The following MARCHF1 variants were observed in gnomAD, a reference collection of about 807,000 sequenced individuals.
MARCHF1 encodes E3 ubiquitin-protein ligase MARCHF1.
MARCHF1 carries 40 observed loss-of-function variants against 54.2 expected under a neutral mutation model. The observed-to-expected ratio is 0.74, with a 90% CI of 0.57 to 0.96. MARCHF1 has a LOEUF of 0.96. Among genes scored for constraint, MARCHF1 ranks in the 40% least tolerant of loss-of-function variants. The pLI, the probability that MARCHF1 is intolerant of heterozygous loss-of-function variation, is 0.00. For synonymous variants in MARCHF1, 236 were observed against 236.3 expected, an observed-to-expected ratio of 1.00 and a Z score of 0.01; for missense variants, 586 against 656.5, an observed-to-expected ratio of 0.89 and a Z score of 1.17.
intron 5 of MARCHF1, among the ~76,000 whole-genome samples, chr4:163,621,665 G>A (rs1214969882): frequency 6.6e-6 from 1 of 152,114 alleles, no homozygotes; most frequent in African/African-American, 2.4e-5. Flanking sequence ...CAGAAGGTAC[G>A]ACTGAAGAAA....
chr4:163,888,565 T>G (rs1053912032), intron 3 of MARCHF1, among the ~76,000 whole-genome samples: 5 of 152,192 alleles, frequency 3.3e-5, no homozygotes, highest in African/African-American at 9.7e-5. Flanking sequence ...TTATTTGCAT[T>G]TTGAGTATTC....
intron 3 of MARCHF1, among the ~76,000 whole-genome samples, chr4:163,978,035 G>T (rs1752683082): frequency 6.6e-6 from 1 of 152,050 alleles, no homozygotes; most frequent in African/African-American, 2.4e-5. Context: ...TAGCATAAAG[G>T]TTAGCATGTA....
chr4:164,291,994 C>T (rs979138157), intron 1 of MARCHF1, among the ~76,000 whole-genome samples: 1 of 152,014 alleles, frequency 6.6e-6, no homozygotes, highest in South Asian at 2.1e-4. Flanking sequence ...GCTAAAGTCA[C>T]AATTAATTAA....
intron 2 of MARCHF1, among the ~76,000 whole-genome samples, chr4:164,104,949 C>T (rs1579538116): frequency 1.6e-5 from 1 of 61,982 alleles, no homozygotes; most frequent in Non-Finnish European, 5.1e-5. Flanking sequence ...ACAAAAATCA[C>T]AAGCATTCTT....
At chr4:164,192,185 A>T (rs1239246076) in intron 1 of MARCHF1, among the ~76,000 whole-genome samples, 1 of 152,228 alleles carries the variant, frequency 6.6e-6, no homozygotes, top group African/African-American at 2.4e-5. Flanking sequence ...TAAATAGCTA[A>T]GTATACGATT....
At chr4:163,795,992 T>C (rs1324191443) in intron 4 of MARCHF1, among the ~76,000 whole-genome samples, 1 of 152,152 alleles carries the variant, frequency 6.6e-6, no homozygotes, top group Non-Finnish European at 1.5e-5. Flanking sequence ...TACTATTCAT[T>C]AAATGGAAGT....
chr4:163,832,900 T>A (rs36154115), intron 4 of MARCHF1, among the ~76,000 whole-genome samples: 1 of 151,460 alleles, frequency 6.6e-6, no homozygotes, highest in Non-Finnish European at 1.5e-5. Flanking sequence ...TTCATCCATG[T>A]CCCTACAAAG....
At chr4:163,532,809 CATT>C (rs1381877872) in intron 9 of MARCHF1, among the ~76,000 whole-genome samples, 2 of 151,832 alleles carry the variant, frequency 1.3e-5, no homozygotes. Context: ...AACAAGATAT[CATT>C]ATATACCTAT....
chr4:163,556,569 C>T (rs1021342509), intron 8 of MARCHF1, among the ~76,000 whole-genome samples: 20 of 150,134 alleles, frequency 1.3e-4, no homozygotes, highest in East Asian at 3.9e-4. Flanking sequence ...TTTTTACTCT[C>T]GAGAGTCTCT....
chr4:163,898,443 C>A (rs1750864230), intron 3 of MARCHF1, among the ~76,000 whole-genome samples: 1 of 152,092 alleles, frequency 6.6e-6, no homozygotes, highest in Non-Finnish European at 1.5e-5. Context: ...TGCTCAACAT[C>A]AATATACATC....
At chr4:163,978,248 T>A (rs1191783602) in intron 3 of MARCHF1, among the ~76,000 whole-genome samples, 1 of 152,138 alleles carries the variant, frequency 6.6e-6, no homozygotes, top group Non-Finnish European at 1.5e-5. Flanking sequence ...TTATCATCAT[T>A]ACTATAAATG....
rs537036738 is a variant in MARCHF1, at chr4:164,240,050, G to A, written c.-322-128388C>T. The stretch of plus-strand genomic sequence containing the variant: ...TCATTACACATTTTCTAGGTGCTAA[G>A]CATTGACATAAACTGGACAAATGAA... On this transcript the variant is annotated intron_variant, in intron 1 of 9. Coordinates refer to ENST00000514618, the MANE Select transcript of MARCHF1 (RefSeq NM_001394959.1). 5.1e-4 allele frequency among the ~76,000 whole-genome samples: 77 copies of A among 152,270 alleles called. No individual in the cohort carries two copies. The Middle Eastern group carries it at 0.014, about 27-fold the overall frequency.
Position 164,025,779 on chromosome 4 carries a change from C to T in MARCHF1, c.-247-37070G>A, listed in dbSNP as rs574715734. On this transcript the variant is annotated intron_variant, in intron 2 of 9. Coordinates refer to ENST00000514618, the MANE Select transcript of MARCHF1 (RefSeq NM_001394959.1). ...GGCAAAAATCCATGCAAAAGATCAA[C>T]GAAACCAAGAGTTTTTTCTCAAAAG... Among the ~76,000 whole-genome samples, 12 of 149,428 alleles carry T rather than the reference C, an allele frequency of 8.0e-5. No individual in the cohort carries two copies. In the South Asian group the frequency reaches 8.4e-4, roughly 10 times the overall value.
intron 3 of MARCHF1, among the ~76,000 whole-genome samples, chr4:163,946,057 G>A (rs1337204168): frequency 6.6e-6 from 1 of 151,532 alleles, no homozygotes; most frequent in Non-Finnish European, 1.5e-5. Flanking sequence ...ATCATTTATA[G>A]TAAAACATTA....
intron 4 of MARCHF1, among the ~76,000 whole-genome samples, chr4:163,823,323 G>A (rs1036133834): frequency 6.6e-6 from 1 of 151,676 alleles, no homozygotes; most frequent in African/African-American, 2.4e-5. Context: ...AACTTGGCCT[G>A]GATCAGGTAG....
intron 5 of MARCHF1, among the ~76,000 whole-genome samples, chr4:163,633,767 G>A (rs1032315384): frequency 3.9e-5 from 6 of 152,078 alleles, no homozygotes; most frequent in Non-Finnish European, 8.8e-5. Context: ...TACTCCTCGA[G>A]AAGAGCAACT....
At chr4:163,717,616 G>C (rs1232789548) in intron 4 of MARCHF1, among the ~76,000 whole-genome samples, 1 of 152,142 alleles carries the variant, frequency 6.6e-6, no homozygotes, top group African/African-American at 2.4e-5. Flanking sequence ...CCCACCAACA[G>C]TGTAAAAATG....
intron 3 of MARCHF1, among the ~76,000 whole-genome samples, chr4:163,880,736 T>G (rs1750396532): frequency 6.6e-6 from 1 of 152,218 alleles, no homozygotes; most frequent in Admixed American, 6.5e-5. Flanking sequence ...CATAAATTTT[T>G]ATCAATTTAT....
At chr4:163,576,706 T>C (rs1047943378) in intron 8 of MARCHF1, among the ~76,000 whole-genome samples, 2 of 152,088 alleles carry the variant, frequency 1.3e-5, no homozygotes, top group African/African-American at 2.4e-5. Context: ...ACAAGTACTT[T>C]TTTTATGAAT....
Sources: allele counts gnomAD v4.1 joint callset (sites outside exome capture counted in the v4.1 genomes callset), GRCh38; gene constraint gnomAD v4.1.1; transcripts MANE v1.5; gene names NCBI Gene and HGNC (gene_info 2026-07-23, HGNC 2026-07-21).